METTL13: variants seen among roughly 807,000 people sequenced by gnomAD.
METTL13 encodes methyltransferase 13, eEF1A N-terminus and K55.
METTL13 carries 52 observed loss-of-function variants against 67.4 expected under a neutral mutation model. That is an observed-to-expected ratio of 0.77 (90% CI 0.62 to 0.97). The LOEUF (loss-of-function observed/expected upper bound fraction) is 0.97, where lower values mean the gene tolerates loss of function less well. Among genes scored for constraint, METTL13 ranks in the 50% least tolerant of loss-of-function variants. The probability of loss-of-function intolerance (pLI) is 0.00; values close to 1 mark genes in which losing one functional copy is unlikely to be tolerated. For missense variants in METTL13, 825 were observed against 889.6 expected (o/e 0.93, Z 0.92); for synonymous variants, 354 against 353.6 (o/e 1.00, Z -0.01).
chr1:171,796,566 T>C lies in METTL13; in HGVS notation c.1910T>C (p.Leu637Pro). The change falls in exon 8 of 8, where the codon CTA becomes CCA. Residue 637 changes from leucine (L) to proline (P), a missense_variant. Physicochemically the swap from Leu to Pro is moderately conservative, Grantham distance 98 (BLOSUM62 -3). Transcript: ENST00000361735. ...LAGLKAVFPL[L>P]YVRRIEGEVN... ...GGGCTCAAGGCAGTGTTCCCCCTCC[T>C]ATATGTCCGGCGAATTGAGGGTGAA... 1 of 1,614,170 alleles carries C rather than the reference T, an allele frequency of 6.2e-7. No homozygotes were observed. The highest frequency in any genetic ancestry group is 1.1e-5 in the South Asian group (1 of 91,082).
At chr1:171,789,901 C>T (rs558827460) in intron 4 of METTL13, among the ~76,000 whole-genome samples, 4 of 152,170 alleles carry the variant, frequency 2.6e-5, no homozygotes, top group Non-Finnish European at 2.9e-5. Context: ...GTATAAATAC[C>T]ACCACTGTAT....
chr1:171,797,600 A>G lies in METTL13; in HGVS notation c.*844A>G, dbSNP rs538325847. On this transcript the variant is annotated 3_prime_UTR_variant, in exon 8 of 8. Transcript: ENST00000361735. The stretch of plus-strand genomic sequence containing the variant: ...CTAAGTGGTTTACATGCACTGTCTC[A>G]TTTAATCTGAGATAAAGGATACTTA... 2.0e-5 allele frequency: 3 copies of G among 152,260 alleles called. No individual in the cohort carries two copies. The highest frequency in any genetic ancestry group is 2.9e-5 in the Non-Finnish European group (2 of 68,044). The allele number at this position is 152,260 out of a possible 1,614,324, so 9.4% of individuals were successfully genotyped here. A position where few individuals can be genotyped will look rare whatever the true frequency, so the allele number is the denominator to read the frequency against.
At chr1:171,783,711 T>C (rs1656902284) in intron 1 of METTL13, 29 bp from the exon 2 acceptor site, 2 of 1,576,842 alleles carry the variant, frequency 1.3e-6, no homozygotes, top group African/African-American at 2.7e-5. Context: ...TTTGATTACC[T>C]CCCTCTTGTC....
chr1:171,796,342 C>A, intron 7 of METTL13, 140 bp from the exon 8 acceptor site: 5 of 986,796 alleles, frequency 5.1e-6, no homozygotes, highest in Non-Finnish European at 7.6e-6. Flanking sequence ...GCTGTGTATT[C>A]TCTGCAAACT....
Position 171,784,148 on chromosome 1 carries a change from A to C in METTL13, c.562A>C (p.Asn188His). The C allele has an allele frequency of 6.2e-7, 1 of 1,614,254 alleles. No homozygotes were observed. Residue 188 changes from asparagine to histidine, a missense_variant, in exon 2 of 8, where the codon AAC becomes CAC. Transcript: ENST00000361735. ...GWMVRVHQVA[N>H]SQDQVLEAEP... is the part of the protein sequence containing the mutation. ...GATGGTGAGGGTGCACCAAGTGGCCAACAGCCAGGACCAGGTGTTGGAAGC... is the reference window on the plus strand; with the variant it reads ...GATGGTGAGGGTGCACCAAGTGGCCCACAGCCAGGACCAGGTGTTGGAAGC...
chr1:171,784,651 A>T lies in METTL13; in HGVS notation c.913+152A>T, dbSNP rs934995812. The T allele has an allele frequency of 7.7e-6, 8 of 1,038,956 alleles. No homozygotes were observed. In the African/African-American group the frequency reaches 1.3e-4, roughly 17 times the overall value. The allele number at this position is 1,038,956 out of a possible 1,614,324, so 64.4% of individuals were successfully genotyped here. A position where few individuals can be genotyped will look rare whatever the true frequency, so the allele number is the denominator to read the frequency against. Reference sequence around the variant, plus strand: ...GGGGTTTGTACTTCCAGAGGATTAGACTACCCAAGGCATGATGAAAGGAGA... The same window carrying T: ...GGGGTTTGTACTTCCAGAGGATTAGTCTACCCAAGGCATGATGAAAGGAGA... On this transcript the variant is annotated intron_variant, in intron 2 of 7. Transcript: ENST00000361735.
rs77165199 is a variant in METTL13 at position 171,788,138 on chromosome 1, A to T, written c.1309+208A>T. Among the ~76,000 whole-genome samples, 43 of 145,458 alleles carry T rather than the reference A, an allele frequency of 3.0e-4. 1 individual carries two copies. The East Asian group carries it at 8.4e-3, about 29-fold the overall frequency. On this transcript the variant is annotated intron_variant, in intron 4 of 7. Transcript: ENST00000361735. ...AGTGATAGGGGACGTGAGTAGTGAA[A>T]CCAAATACAGTGATAATCACATTAA...
Position 171,781,691 on chromosome 1 carries a change from G to A in METTL13, c.-277G>A. ...ATATGGTTATGGGCTCGGAAATCTA[G>A]TTCGGGAAAAGTGTGAGGGGCTCTT... On this transcript the variant is annotated 5_prime_UTR_variant, in exon 1 of 8. It removes the in-frame stop codon of an upstream open reading frame in the 5' UTR. Coordinates refer to ENST00000361735, the MANE Select transcript of METTL13 (RefSeq NM_015935.5). 9.5e-7 allele frequency: 1 copy of A among 1,051,880 alleles called. No individual in the cohort carries two copies. The highest frequency in any genetic ancestry group is 1.2e-6 in the Non-Finnish European group (1 of 818,896). 65.2% of individuals were successfully genotyped at this position (1,051,880 alleles called of 1,614,324 possible).
intron 7 of METTL13, among the ~76,000 whole-genome samples, chr1:171,795,965 C>T (rs534938152): frequency 6.6e-6 from 1 of 152,316 alleles, no homozygotes; most frequent in South Asian, 2.1e-4. Context: ...GCCTCAGCCC[C>T]ACTAGCAGCT....
At chr1:171,789,759 T>G (rs1657140613) in intron 4 of METTL13, among the ~76,000 whole-genome samples, 1 of 151,356 alleles carries the variant, frequency 6.6e-6, no homozygotes, top group Admixed American at 6.6e-5. Flanking sequence ...CCCAGGTTTT[T>G]GAGTGTGCAT....
At position 171,790,525 on chromosome 1, in the gene METTL13, G is replaced by A; in HGVS notation, c.1383G>A (p.Gly461=). 6.2e-7 allele frequency: 1 copy of A among 1,612,704 alleles called. No individual in the cohort carries two copies. The highest frequency in any genetic ancestry group is 8.5e-7 in the Non-Finnish European group (1 of 1,179,690). ...CGGAGGACCTCCCTGCAGCCCCGGG[G>A]CAGTCCATTGATAAGAGTTACCTGT... ...ADAEDLPAAP[G]QSIDKSYLCC... is the part of the protein sequence containing the mutation. The change falls in exon 5 of 8, where the codon GGG becomes GGA. Residue 461 remains glycine, a synonymous_variant. Coordinates refer to ENST00000361735, the MANE Select transcript of METTL13 (RefSeq NM_015935.5).
rs563872953 is a variant in METTL13 at position 171,790,532 on chromosome 1, A to G, written c.1390A>G (p.Ile464Val). 12 of 1,612,892 alleles carry G rather than the reference A, an allele frequency of 7.4e-6. No individual in the cohort carries two copies. The highest frequency in any genetic ancestry group is 2.2e-5 in the East Asian group (1 of 44,776). The stretch of plus-strand genomic sequence containing the variant: ...CCTCCCTGCAGCCCCGGGGCAGTCC[A>G]TTGATAAGAGTTACCTGTGTTGTGA... ...EDLPAAPGQS[I>V]DKSYLCCEHH... The change falls in exon 5 of 8, where the codon ATT becomes GTT. Residue 464 changes from isoleucine (I) to valine (V), a missense_variant. Coordinates refer to ENST00000361735, the MANE Select transcript of METTL13 (RefSeq NM_015935.5).
chr1:171,790,557 A>G lies in METTL13; in HGVS notation c.1415A>G (p.Glu472Gly). Residue 472 changes from glutamate to glycine, a missense_variant, in exon 5 of 8, where the codon GAA becomes GGA. Glu to Gly is a moderately conservative substitution (Grantham distance 98). Coordinates refer to ENST00000361735, the MANE Select transcript of METTL13 (RefSeq NM_015935.5). The stretch of plus-strand genomic sequence containing the variant: ...ATTGATAAGAGTTACCTGTGTTGTG[A>G]ACACCACAAAGCCATGATCGCTGGC... Reference protein sequence around the residue: ...QSIDKSYLCCEHHKAMIAGLA... With the variant: ...QSIDKSYLCCGHHKAMIAGLA... 6.2e-7 allele frequency: 1 copy of G among 1,611,800 alleles called. No homozygotes were observed. The highest frequency in any genetic ancestry group is 8.5e-7 in the Non-Finnish European group (1 of 1,179,332).
intron 3 of METTL13, among the ~76,000 whole-genome samples, chr1:171,786,383 G>C (rs1343030655): frequency 1.3e-5 from 2 of 152,212 alleles, no homozygotes; most frequent in African/African-American, 4.8e-5. Flanking sequence ...TCTGACTGTG[G>C]ATTTCTCCTT....
At chr1:171,795,952 C>T (rs570426817) in intron 7 of METTL13, among the ~76,000 whole-genome samples, 2 of 152,272 alleles carry the variant, frequency 1.3e-5, no homozygotes, top group African/African-American at 4.8e-5. Flanking sequence ...AAGAGATTCT[C>T]CTGCCTCAGC....
intron 4 of METTL13, among the ~76,000 whole-genome samples, chr1:171,789,119 A>G (rs1230117161): frequency 2.6e-5 from 4 of 152,122 alleles, no homozygotes; most frequent in African/African-American, 7.2e-5. Context: ...TTTTTTCACC[A>G]TTGTCATGTT....
intron 2 of METTL13, 85 bp from the exon 3 acceptor site, chr1:171,785,794 G>A: frequency 2.9e-6 from 4 of 1,391,896 alleles, no homozygotes; most frequent in African/African-American, 2.8e-5. Flanking sequence ...TCTTGGACAG[G>A]GACTGGCTCC....
chr1:171,791,795 A>G (rs1657216209), intron 5 of METTL13, among the ~76,000 whole-genome samples: 1 of 152,080 alleles, frequency 6.6e-6, no homozygotes, highest in Admixed American at 6.5e-5. Flanking sequence ...AATAATAATA[A>G]CACACTAGTT....
rs746675028 is a variant in METTL13, at chr1:171,792,079, G to C, written c.1537G>C (p.Asp513His). Residue 513 changes from aspartate (D) to histidine (H), a missense_variant, in exon 6 of 8, where the codon GAT becomes CAT. Coordinates refer to ENST00000361735, the MANE Select transcript of METTL13 (RefSeq NM_015935.5). Reference protein sequence around the residue: ...GGGSLPLFVHDHFPKSCIDAV... With the variant: ...GGGSLPLFVHHHFPKSCIDAV... The stretch of plus-strand genomic sequence containing the variant: ...GGGCAGCCTCCCCCTCTTTGTCCAC[G>C]ATCATTTTCCAAAGTCCTGCATTGA... 1 of 1,613,720 alleles carries C rather than the reference G, an allele frequency of 6.2e-7. No individual in the cohort carries two copies. The highest frequency in any genetic ancestry group is 1.7e-5 in the Admixed American group (1 of 60,034).
Sources: gnomAD v4.1 joint callset for allele counts (sites outside exome capture counted in the v4.1 genomes callset) on GRCh38, gnomAD v4.1.1 for gene constraint, MANE v1.5 for transcripts, NCBI Gene and HGNC (gene_info 2026-07-23, HGNC 2026-07-21) for gene names.